Variants in INPP4B observed in about 807,000 individuals in gnomAD.
INPP4B encodes the protein inositol polyphosphate-4-phosphatase type II B.
In INPP4B, 55 loss-of-function variants were observed where a neutral mutation model predicts 122.5. The ratio of observed to expected loss-of-function variants is 0.45; its 90% CI spans 0.36 to 0.56. The LOEUF (loss-of-function observed/expected upper bound fraction) is 0.56. Among genes scored for constraint, INPP4B ranks in the 20% least tolerant of loss-of-function variants. The pLI, the probability that INPP4B is intolerant of heterozygous loss-of-function variation, is 0.00. For missense variants in INPP4B, 1,000 were observed against 1,097.7 expected, an observed-to-expected ratio of 0.91 and a Z score of 1.26; for synonymous variants, 403 against 388.7, an observed-to-expected ratio of 1.04 and a Z score of -0.43.
chr4:142,487,974 A>G (rs1206892687), intron 2 of INPP4B, among the ~76,000 whole-genome samples: 5 of 152,122 alleles, frequency 3.3e-5, no homozygotes, highest in Admixed American at 2.0e-4. Context: ...AAGCAGACAC[A>G]ACCTGTTTCT....
intron 25 of INPP4B, among the ~76,000 whole-genome samples, chr4:142,079,417 A>C (rs944809313): frequency 6.6e-6 from 1 of 152,064 alleles, no homozygotes; most frequent in African/African-American, 2.4e-5. Context: ...TGGCAGAGTG[A>C]GGAGCTGGGA....
At chr4:142,694,858 A>C (rs1470355721) in intron 2 of INPP4B, among the ~76,000 whole-genome samples, 1 of 152,136 alleles carries the variant, frequency 6.6e-6, no homozygotes, top group Non-Finnish European at 1.5e-5. Context: ...GTATAGGGAG[A>C]GATATCAACT....
chr4:142,119,898 G>A (rs1030515529), intron 21 of INPP4B, among the ~76,000 whole-genome samples: 2 of 145,136 alleles, frequency 1.4e-5, no homozygotes, highest in South Asian at 2.1e-4. Flanking sequence ...ATATACGTGT[G>A]TATATATATG....
intron 9 of INPP4B, among the ~76,000 whole-genome samples, chr4:142,280,849 T>G (rs1750868849): frequency 6.6e-6 from 1 of 151,982 alleles, no homozygotes; most frequent in African/African-American, 2.4e-5. Flanking sequence ...AATGTTGGAT[T>G]AAAGTATGGA....
Position 142,338,163 on chromosome 4 carries a change from C to G in INPP4B, c.373-23401G>C, listed in dbSNP as rs535208780. ...ATACCTAGTACTGATGTATATGTAA[C>G]AAATTGACTTTAAAAAATTATGTGA... On this transcript the variant is annotated intron_variant, in intron 7 of 25. Transcript: ENST00000262992. 8.5e-5 allele frequency among the ~76,000 whole-genome samples: 13 copies of G among 152,260 alleles called. No individual in the cohort carries two copies. The East Asian group carries it at 2.3e-3, about 27-fold the overall frequency.
At chr4:142,384,595 ACCATTGCATATG>A (rs1344982174) in intron 7 of INPP4B, among the ~76,000 whole-genome samples, 16 of 152,190 alleles carry the variant, frequency 1.1e-4, no homozygotes, top group Non-Finnish European at 2.1e-4. Flanking sequence ...TTATGGAATC[ACCATTGCATATG>A]CAGTCCATCA....
chr4:142,327,083 TA>T (rs749156072), intron 7 of INPP4B, among the ~76,000 whole-genome samples: 23 of 152,124 alleles, frequency 1.5e-4, no homozygotes, highest in Non-Finnish European at 2.6e-4. Flanking sequence ...CCTCAGGGAA[TA>T]GAAACAGACA....
intron 24 of INPP4B, 95 bp downstream of exon 24, chr4:142,086,049 C>A: frequency 1.2e-6 from 1 of 809,094 alleles, no homozygotes; most frequent in African/African-American, 1.7e-5. Context: ...CCTGGCAACC[C>A]AAAGTGCAGA....
At chr4:142,213,079 C>T (rs1349729951) in intron 12 of INPP4B, among the ~76,000 whole-genome samples, 1 of 152,120 alleles carries the variant, frequency 6.6e-6, no homozygotes, top group Non-Finnish European at 1.5e-5. Context: ...GCAAATGTCC[C>T]TTAGTAGAAG....
At chr4:142,639,321 T>C (rs1749865159) in intron 2 of INPP4B, among the ~76,000 whole-genome samples, 2 of 152,188 alleles carry the variant, frequency 1.3e-5, no homozygotes, top group Admixed American at 1.3e-4. Flanking sequence ...TGAATGTGAT[T>C]GTAGAGAATT....
intron 25 of INPP4B, among the ~76,000 whole-genome samples, chr4:142,056,512 T>A (rs1237547817): frequency 6.6e-6 from 1 of 152,044 alleles, no homozygotes; most frequent in Non-Finnish European, 1.5e-5. Context: ...AACAAGGTGT[T>A]GTGGTACCTG....
intron 1 of INPP4B, among the ~76,000 whole-genome samples, chr4:142,731,234 G>T (rs1385674412): frequency 6.6e-6 from 1 of 152,062 alleles, no homozygotes; most frequent in African/African-American, 2.4e-5. Flanking sequence ...TGGAAAAGAA[G>T]CAGAAAACAA....
chr4:142,460,853 C>A (rs1816581915), intron 3 of INPP4B, among the ~76,000 whole-genome samples: 1 of 141,836 alleles, frequency 7.1e-6, no homozygotes, highest in Non-Finnish European at 1.6e-5. Flanking sequence ...ACTTTTAGTG[C>A]TGCAAAGACA....
At chr4:142,394,982 C>T (rs1798903548) in intron 7 of INPP4B, among the ~76,000 whole-genome samples, 1 of 152,204 alleles carries the variant, frequency 6.6e-6, no homozygotes, top group African/African-American at 2.4e-5. Context: ...AAACTTACTT[C>T]CGTTTCTACC....
intron 7 of INPP4B, among the ~76,000 whole-genome samples, chr4:142,391,771 T>G (rs1797767544): frequency 6.6e-6 from 1 of 152,194 alleles, no homozygotes; most frequent in South Asian, 2.1e-4. Context: ...AATTCCTAAA[T>G]AGTTTATAAC....
chr4:142,048,928 G>C (rs74500979), intron 25 of INPP4B, among the ~76,000 whole-genome samples: 4,197 of 151,960 alleles, frequency 0.028, 190 homozygotes, highest in African/African-American at 0.096. Context: ...AATGCCAAAG[G>C]ACACATCGAG....
At chr4:142,638,965 T>C (rs545656426) in intron 2 of INPP4B, among the ~76,000 whole-genome samples, 2 of 152,326 alleles carry the variant, frequency 1.3e-5, no homozygotes, top group African/African-American at 4.8e-5. Context: ...TTTTGGTTTA[T>C]TGAAAGTTGT....
chr4:142,698,411 T>A (rs996511287), intron 2 of INPP4B, among the ~76,000 whole-genome samples: 3 of 152,102 alleles, frequency 2.0e-5, no homozygotes, highest in African/African-American at 7.2e-5. Flanking sequence ...TCCACAGATA[T>A]GATCTTGCCT....
chr4:142,465,139 T>C (rs1817518475), intron 2 of INPP4B, among the ~76,000 whole-genome samples: 1 of 152,168 alleles, frequency 6.6e-6, no homozygotes, highest in Non-Finnish European at 1.5e-5. Flanking sequence ...TAGCAATGAA[T>C]AGATACATCA....
Sources: gnomAD v4.1 joint callset for allele counts (sites outside exome capture counted in the v4.1 genomes callset) on GRCh38, gnomAD v4.1.1 for gene constraint, MANE v1.5 for transcripts, NCBI Gene and HGNC (gene_info 2026-07-23, HGNC 2026-07-21) for gene names.